PBX1: variants seen among roughly 807,000 people sequenced by gnomAD.
The protein encoded by PBX1 is pre-B-cell leukemia transcription factor 1.
In PBX1, 6 loss-of-function variants were observed where a neutral mutation model predicts 53.4. The observed-to-expected ratio is 0.11, with a 90% CI of 0.06 to 0.22. PBX1 has a LOEUF of 0.22. Ranked by LOEUF, PBX1 falls within the 10% of genes least tolerant of loss-of-function variation. PBX1 has a pLI of 1.00. For missense variants in PBX1, 251 were observed against 551.4 expected (o/e 0.46, Z 5.46); for synonymous variants, 204 against 212.3 (o/e 0.96, Z 0.34).
At chr1:164,650,954 G>A (rs1480631190) in intron 2 of PBX1, among the ~76,000 whole-genome samples, 1 of 108,980 alleles carries the variant, frequency 9.2e-6, no homozygotes, top group Non-Finnish European at 2.0e-5. Context: ...GGGGAATGAT[G>A]TTGCTCAGAA....
At chr1:164,838,027 G>T (rs926717127) in intron 8 of PBX1, among the ~76,000 whole-genome samples, 1 of 152,154 alleles carries the variant, frequency 6.6e-6, no homozygotes, top group African/African-American at 2.4e-5. Flanking sequence ...CTTGATCTCA[G>T]AGTTGATGTA....
chr1:164,714,587 G>A (rs1215563854), intron 2 of PBX1, among the ~76,000 whole-genome samples: 1 of 152,206 alleles, frequency 6.6e-6, no homozygotes, highest in African/African-American at 2.4e-5. Flanking sequence ...AAGAACAAAT[G>A]CAATAATAGC....
chr1:164,733,628 G>A (rs1012415780), intron 2 of PBX1, among the ~76,000 whole-genome samples: 2 of 152,130 alleles, frequency 1.3e-5, no homozygotes, highest in African/African-American at 4.8e-5. Flanking sequence ...ACTAAAACCT[G>A]TTTACCTGTT....
intron 2 of PBX1, among the ~76,000 whole-genome samples, chr1:164,687,976 T>C (rs1050818703): frequency 6.6e-6 from 1 of 152,180 alleles, no homozygotes; most frequent in African/African-American, 2.4e-5. Flanking sequence ...GAGACTCTGT[T>C]ATGATATGCC....
intron 2 of PBX1, among the ~76,000 whole-genome samples, chr1:164,564,705 TA>T (rs1653309157): frequency 6.6e-6 from 1 of 152,176 alleles, no homozygotes; most frequent in African/African-American, 2.4e-5. Context: ...AGACAACTTT[TA>T]AAAGATTTAT....
intron 2 of PBX1, among the ~76,000 whole-genome samples, chr1:164,609,137 G>C (rs1038951377): frequency 6.6e-6 from 1 of 152,040 alleles, no homozygotes; most frequent in Non-Finnish European, 1.5e-5. Flanking sequence ...TTTTCAGGAG[G>C]CCTCTTTGTT....
intron 2 of PBX1, among the ~76,000 whole-genome samples, chr1:164,759,023 G>A (rs1307301825): frequency 6.6e-6 from 1 of 152,212 alleles, no homozygotes; most frequent in Non-Finnish European, 1.5e-5. Context: ...AAAGGGTTTG[G>A]CTGGGGCTTC....
chr1:164,874,202 C>T (rs939300461), intron 2 of PBX1, among the ~76,000 whole-genome samples: 1 of 152,072 alleles, frequency 6.6e-6, no homozygotes, highest in African/African-American at 2.4e-5. Flanking sequence ...TATCTTCACC[C>T]TATAGAATAT....
At chr1:164,672,556 T>A (rs1467110861) in intron 2 of PBX1, among the ~76,000 whole-genome samples, 1 of 152,240 alleles carries the variant, frequency 6.6e-6, no homozygotes, top group Non-Finnish European at 1.5e-5. Flanking sequence ...TTAGAGGTTC[T>A]TGGAGTATTA....
chr1:164,758,009 G>A (rs1666619697), intron 2 of PBX1, among the ~76,000 whole-genome samples: 1 of 152,136 alleles, frequency 6.6e-6, no homozygotes, highest in Non-Finnish European at 1.5e-5. Flanking sequence ...CCTACAGATG[G>A]AACTGTGTGT....
rs144730408 is a variant in PBX1, at chr1:164,850,860, A to G, written c.*4184A>G. The stretch of plus-strand genomic sequence containing the variant: ...TGCTGTTTTTGATTCTGATTATCAC[A>G]GCCAAGTACTTTGTTTTATTTCTCC... On this transcript the variant is annotated 3_prime_UTR_variant, in exon 9 of 9. Coordinates refer to ENST00000420696, the MANE Select transcript of PBX1 (RefSeq NM_002585.4). The G allele has an allele frequency of 4.7e-6, 1 of 211,932 alleles. No homozygotes were observed. Among genetic ancestry groups the G allele is most frequent in the Non-Finnish European group, 9.6e-6 (1 of 104,472 alleles). The allele number at this position is 211,932 out of a possible 1,614,324, so 13.1% of individuals were successfully genotyped here.
chr1:164,776,082 G>T (rs748417164), intron 2 of PBX1, among the ~76,000 whole-genome samples: 1 of 152,030 alleles, frequency 6.6e-6, no homozygotes, highest in African/African-American at 2.4e-5. Context: ...TTCTGTGACC[G>T]TTACCTGTCT....
At chr1:164,860,281 C>T (rs1326425796) in intron 2 of PBX1, among the ~76,000 whole-genome samples, 7 of 152,150 alleles carry the variant, frequency 4.6e-5, no homozygotes, top group Admixed American at 4.6e-4. Context: ...GCTGGGAATA[C>T]ACTAGTGCAT....
chr1:164,599,397 C>A (rs1017256713), intron 2 of PBX1, among the ~76,000 whole-genome samples: 2 of 151,652 alleles, frequency 1.3e-5, no homozygotes, highest in Non-Finnish European at 2.9e-5. Flanking sequence ...TTTCTTCGGG[C>A]AAATCTGCAA....
intron 2 of PBX1, among the ~76,000 whole-genome samples, chr1:164,675,093 C>G (rs1277090071): frequency 6.6e-6 from 1 of 152,118 alleles, no homozygotes; most frequent in Non-Finnish European, 1.5e-5. Context: ...TGCCTGATGT[C>G]ACACAGCTGG....
chr1:164,663,861 T>C (rs939516902), intron 2 of PBX1, among the ~76,000 whole-genome samples: 1 of 152,222 alleles, frequency 6.6e-6, no homozygotes, highest in Non-Finnish European at 1.5e-5. Context: ...TTTAAGTTAA[T>C]AACTCTTCCC....
intron 2 of PBX1, among the ~76,000 whole-genome samples, chr1:164,765,442 T>C (rs1667014283): frequency 6.6e-6 from 1 of 152,180 alleles, no homozygotes; most frequent in South Asian, 2.1e-4. Flanking sequence ...ATGAAGATGA[T>C]TGGCTCCCGA....
intron 2 of PBX1, among the ~76,000 whole-genome samples, chr1:164,881,054 C>G (rs1558057728): frequency 6.6e-6 from 1 of 152,312 alleles, no homozygotes; most frequent in East Asian, 1.9e-4. Flanking sequence ...CTCTCTGGCT[C>G]TGGTCTTTAT....
intron 2 of PBX1, among the ~76,000 whole-genome samples, chr1:164,735,951 G>T (rs1007636666): frequency 4.6e-5 from 7 of 152,150 alleles, no homozygotes; most frequent in Non-Finnish European, 5.9e-5. Context: ...GGCACAAAGA[G>T]CAAGCAGTTT....
Sources: gnomAD v4.1 joint callset for allele counts (sites outside exome capture counted in the v4.1 genomes callset) on GRCh38, gnomAD v4.1.1 for gene constraint, MANE v1.5 for transcripts, NCBI Gene and HGNC (gene_info 2026-07-23, HGNC 2026-07-21) for gene names.